Variants in LMO4 observed in about 807,000 individuals in gnomAD.
LMO4 encodes LIM domain transcription factor LMO4.
In LMO4, 3 loss-of-function variants were observed where a neutral mutation model predicts 18.5. That is an observed-to-expected ratio of 0.16 (90% CI 0.07 to 0.42). The LOEUF (loss-of-function observed/expected upper bound fraction) is 0.42, where lower values mean the gene tolerates loss of function less well. LMO4 is among the 10% of genes least tolerant of loss of function. The pLI is 0.99. For synonymous variants in LMO4, 100 were observed against 88.1 expected (o/e 1.14, Z -0.76); for missense variants, 121 against 219.9 (o/e 0.55, Z 2.84).
intron 4 of LMO4, among the ~76,000 whole-genome samples, chr1:87,341,616 T>G (rs189693535): frequency 6.6e-6 from 1 of 152,324 alleles, no homozygotes; most frequent in Admixed American, 6.5e-5. Flanking sequence ...TGCTGCCATA[T>G]TTTGATGCTT....
chr1:87,332,843 G>A (rs1186310503), intron 2 of LMO4, among the ~76,000 whole-genome samples: 4 of 152,140 alleles, frequency 2.6e-5, no homozygotes, highest in Non-Finnish European at 5.9e-5. Flanking sequence ...AAAGTCCCAA[G>A]AAATAAAACC....
rs969853799 is a variant in LMO4, at chr1:87,348,040, C to T, written c.*3244C>T. The T allele has an allele frequency of 6.6e-6, 1 of 152,150 alleles. No individual in the cohort carries two copies. The highest frequency in any genetic ancestry group is 1.5e-5 in the Non-Finnish European group (1 of 68,020). 9.4% of individuals were successfully genotyped at this position (152,150 alleles called of 1,614,324 possible). A position where few individuals can be genotyped will look rare whatever the true frequency, so the allele number is the denominator to read the frequency against. On this transcript the variant is annotated 3_prime_UTR_variant, in exon 5 of 5. Coordinates refer to ENST00000370544, the MANE Select transcript of LMO4 (RefSeq NM_006769.4). Reference sequence around the variant, plus strand: ...TTATTAACACTGATATTTGAAACAACTAATCATCTAAAAGGAAGCTCTTAA... The same window carrying T: ...TTATTAACACTGATATTTGAAACAATTAATCATCTAAAAGGAAGCTCTTAA...
At chr1:87,329,509 G>T (rs1391521918) in intron 1 of LMO4, among the ~76,000 whole-genome samples, 1 of 150,658 alleles carries the variant, frequency 6.6e-6, no homozygotes, top group East Asian at 2.0e-4. Flanking sequence ...GGTGGGGACC[G>T]TAGAGGGGGT....
At chr1:87,331,936 C>G in intron 1 of LMO4, 77 bp from the exon 2 acceptor site, 1 of 1,209,544 alleles carries the variant, frequency 8.3e-7, no homozygotes, top group Non-Finnish European at 1.2e-6. Flanking sequence ...TGGGCTTGCT[C>G]TCTCTCCGGC....
intron 2 of LMO4, among the ~76,000 whole-genome samples, chr1:87,332,707 G>A (rs553561775): frequency 6.6e-6 from 1 of 152,234 alleles, no homozygotes; most frequent in East Asian, 1.9e-4. Context: ...GCTTATTAAC[G>A]ATATTTACAT....
intron 2 of LMO4, 87 bp downstream of exon 2, chr1:87,332,338 G>A (rs1650180373): frequency 1.0e-6 from 1 of 996,696 alleles, no homozygotes; most frequent in African/African-American, 1.6e-5. Context: ...AGGAGTAGGC[G>A]TCTACGGGGA....
In LMO4 at chr1:87,345,774, A is replaced by G. The variant is rs771739166; in HGVS notation, c.*978A>G. The stretch of plus-strand genomic sequence containing the variant: ...ACCACGCCATTATTGGCAGGGGTAC[A>G]AAGTAGTTTCTAACAGGGTCCTTTC... On this transcript the variant is annotated 3_prime_UTR_variant, in exon 5 of 5. Transcript: ENST00000370544. 2.0e-5 allele frequency: 3 copies of G among 152,214 alleles called. No homozygotes were observed. The highest frequency in any genetic ancestry group is 4.4e-5 in the Non-Finnish European group (3 of 68,032). The allele number at this position is 152,214 out of a possible 1,614,324, so 9.4% of individuals were successfully genotyped here. A position where few individuals can be genotyped will look rare whatever the true frequency, so the allele number is the denominator to read the frequency against.
intron 2 of LMO4, among the ~76,000 whole-genome samples, chr1:87,334,978 T>C (rs1287752004): frequency 7.1e-6 from 1 of 140,098 alleles, no homozygotes; most frequent in African/African-American, 2.7e-5. Context: ...GAGAGCTGCG[T>C]CGCAAACAAA....
chr1:87,339,648 C>A lies in LMO4; in HGVS notation c.333+16C>A. On this transcript the variant is annotated intron_variant, in intron 3 of 4. Transcript: ENST00000370544. ...TCATCTTAAGGTAGTATTTGCATCT[C>A]TCTTTTTTTTTTAAAAAAAAAATCA... The A allele has an allele frequency of 6.5e-7, 1 of 1,532,078 alleles. No homozygotes were observed. The highest frequency in any genetic ancestry group is 1.1e-5 in the South Asian group (1 of 87,144). 94.9% of individuals were successfully genotyped at this position (1,532,078 alleles called of 1,614,324 possible).
At chr1:87,337,353 A>G (rs1181658374) in intron 2 of LMO4, among the ~76,000 whole-genome samples, 1 of 152,214 alleles carries the variant, frequency 6.6e-6, no homozygotes, top group Non-Finnish European at 1.5e-5. Flanking sequence ...TCGATGTTGA[A>G]GACTTACAAC....
chr1:87,336,044 A>G (rs189094205), intron 2 of LMO4, among the ~76,000 whole-genome samples: 50 of 109,684 alleles, frequency 4.6e-4, no homozygotes, highest in Non-Finnish European at 8.2e-4. Flanking sequence ...TTTTCCTATT[A>G]TGCACAGCCC....
At chr1:87,338,648 T>C (rs1650382916) in intron 2 of LMO4, among the ~76,000 whole-genome samples, 1 of 152,196 alleles carries the variant, frequency 6.6e-6, no homozygotes. Context: ...TACACCACAA[T>C]TCCTTGAGCT....
intron 1 of LMO4, among the ~76,000 whole-genome samples, chr1:87,329,739 T>C (rs1650076378): frequency 6.6e-6 from 1 of 152,204 alleles, no homozygotes; most frequent in African/African-American, 2.4e-5. Flanking sequence ...CTTATAAGTC[T>C]TTTGTTCCAA....
chr1:87,341,652 G>A (rs3766025), intron 4 of LMO4, among the ~76,000 whole-genome samples: 9,777 of 152,122 alleles, frequency 0.064, 383 homozygotes, highest in East Asian at 0.19. Context: ...CCTTGCTCAA[G>A]TTTATGAGGT....
chr1:87,342,002 A>G (rs1340978263), intron 4 of LMO4, among the ~76,000 whole-genome samples: 1 of 152,360 alleles, frequency 6.6e-6, no homozygotes, highest in Non-Finnish European at 1.5e-5. Flanking sequence ...AAAAGAAAAA[A>G]TATGCTAGAA....
At chr1:87,333,872 A>G (rs1324874209) in intron 2 of LMO4, among the ~76,000 whole-genome samples, 1 of 151,986 alleles carries the variant, frequency 6.6e-6, no homozygotes, top group African/African-American at 2.4e-5. Context: ...GTGTGGTTTG[A>G]AGTGGAAAAA....
chr1:87,344,142 A>T (rs186974276), intron 4 of LMO4, among the ~76,000 whole-genome samples: 1 of 152,362 alleles, frequency 6.6e-6, no homozygotes, highest in Admixed American at 6.5e-5. Flanking sequence ...TGTACATAGA[A>T]ATTTTCATAT....
chr1:87,332,513 C>T (rs532682417), intron 2 of LMO4, among the ~76,000 whole-genome samples: 1 of 152,356 alleles, frequency 6.6e-6, no homozygotes, highest in East Asian at 1.9e-4. Flanking sequence ...GTTGAGCACC[C>T]TCTGGTCCTA....
chr1:87,348,815 G>A lies in LMO4; in HGVS notation c.*4019G>A, dbSNP rs918001293. On this transcript the variant is annotated 3_prime_UTR_variant, in exon 5 of 5. Transcript: ENST00000370544. ...TTCTGCTGAGAATGGACGGCAACTC[G>A]GAGGCCTCAAGCCAATAATGTACTA... The A allele has an allele frequency of 6.1e-6, 3 of 491,018 alleles. No homozygotes were observed. Among genetic ancestry groups the A allele is most frequent in the South Asian group, 1.5e-5 (1 of 67,918 alleles). The allele number at this position is 491,018 out of a possible 1,614,324, so 30.4% of individuals were successfully genotyped here. A position where few individuals can be genotyped will look rare whatever the true frequency, so the allele number is the denominator to read the frequency against.
Sources: gnomAD v4.1 joint callset for allele counts (sites outside exome capture counted in the v4.1 genomes callset) on GRCh38, gnomAD v4.1.1 for gene constraint, MANE v1.5 for transcripts, NCBI Gene and HGNC (gene_info 2026-07-23, HGNC 2026-07-21) for gene names.